Variants in RFC3 observed in about 807,000 individuals in gnomAD.
RFC3 encodes the protein replication factor C subunit 3.
In RFC3, 41 loss-of-function variants were observed where a neutral mutation model predicts 45.1. That is an observed-to-expected ratio of 0.91 (90% CI 0.71 to 1.18). The LOEUF is 1.18. RFC3 is among the 50% of genes most tolerant of loss of function. The probability of loss-of-function intolerance (pLI) is 0.00; values close to 1 mark genes in which losing one functional copy is unlikely to be tolerated. For missense variants in RFC3, 423 were observed against 428.1 expected (o/e 0.99, Z 0.10); for synonymous variants, 149 against 144.0 (o/e 1.03, Z -0.25).
chr13:33,897,828 T>C, intron 8 of RFC3, among the ~76,000 whole-genome samples: 1 of 152,036 alleles, frequency 6.6e-6, no homozygotes, highest in Admixed American at 6.6e-5. Context: ...AGGAGTTCAC[T>C]ATATAATGAT....
intron 8 of RFC3, among the ~76,000 whole-genome samples, chr13:33,919,117 G>A (rs756446188): frequency 3.4e-4 from 52 of 152,140 alleles, no homozygotes; most frequent in Admixed American, 2.4e-3. Context: ...TATCTGAGTC[G>A]TCCCAAACAA....
chr13:33,908,236 T>C (rs2082683199), intron 8 of RFC3, among the ~76,000 whole-genome samples: 2 of 151,918 alleles, frequency 1.3e-5, no homozygotes, highest in African/African-American at 4.8e-5. Flanking sequence ...TAATGTCTTC[T>C]GAACAACCTA....
intron 8 of RFC3, among the ~76,000 whole-genome samples, chr13:33,865,049 G>A (rs1346751737): frequency 6.6e-6 from 1 of 152,134 alleles, no homozygotes; most frequent in East Asian, 1.9e-4. Flanking sequence ...GGAATAGTGA[G>A]GAACAGTCAG....
intron 8 of RFC3, among the ~76,000 whole-genome samples, chr13:33,909,973 A>G: frequency 6.6e-6 from 1 of 152,152 alleles, no homozygotes; most frequent in Non-Finnish European, 1.5e-5. Context: ...AGCAAAGGAC[A>G]TAAAAATTGT....
intron 8 of RFC3, among the ~76,000 whole-genome samples, chr13:33,863,660 G>T (rs1189844868): frequency 6.6e-6 from 1 of 152,196 alleles, no homozygotes; most frequent in African/African-American, 2.4e-5. Flanking sequence ...CTGGTACAAT[G>T]ACATCATTCT....
chr13:33,888,995 C>T (rs1191353445), intron 8 of RFC3, among the ~76,000 whole-genome samples: 11 of 152,156 alleles, frequency 7.2e-5, no homozygotes, highest in South Asian at 2.1e-4. Context: ...CCAGCCACCT[C>T]GGCCTCCCAA....
intron 8 of RFC3, among the ~76,000 whole-genome samples, chr13:33,936,888 C>T (rs907852840): frequency 1.3e-5 from 2 of 152,038 alleles, no homozygotes; most frequent in African/African-American, 4.8e-5. Context: ...TAGAAGAAAC[C>T]CTAGAAATTG....
At chr13:33,851,100 T>G (rs1361330467) in intron 8 of RFC3, among the ~76,000 whole-genome samples, 1 of 152,202 alleles carries the variant, frequency 6.6e-6, no homozygotes, top group Non-Finnish European at 1.5e-5. Context: ...TCTTATGGCT[T>G]GAGAGCATAA....
chr13:33,825,714 T>C, intron 3 of RFC3, 75 bp from the exon 4 acceptor site: 2 of 768,526 alleles, frequency 2.6e-6, no homozygotes, highest in Non-Finnish European at 3.9e-6. Context: ...TTTTGACCAC[T>C]TAAGAACTTC....
chr13:33,837,572 A>G (rs971586514), downstream of RFC3: 6 of 152,114 alleles, frequency 3.9e-5, no homozygotes, highest in African/African-American at 1.2e-4. Flanking sequence ...GACTGGGCAT[A>G]CAATATTGTA....
chr13:33,927,489 G>A (rs1231251568), intron 8 of RFC3, among the ~76,000 whole-genome samples: 1 of 152,130 alleles, frequency 6.6e-6, no homozygotes, highest in African/African-American at 2.4e-5. Flanking sequence ...GAAGGGGCTT[G>A]CACAACAGTG....
chr13:33,825,486 A>G (rs1407590602), intron 3 of RFC3, among the ~76,000 whole-genome samples: 1 of 152,156 alleles, frequency 6.6e-6, no homozygotes, highest in African/African-American at 2.4e-5. Context: ...TTAATTTTCT[A>G]TAGTCGGTAC....
chr13:33,841,897 A>G (rs2082201590), downstream of RFC3, among the ~76,000 whole-genome samples: 1 of 152,166 alleles, frequency 6.6e-6, no homozygotes, highest in African/African-American at 2.4e-5. Context: ...GAACTCAAAT[A>G]TCTTCCAGCC....
chr13:33,818,194 G>A lies in RFC3; in HGVS notation c.16G>A (p.Asp6Asn), dbSNP rs376501033. The A allele has an allele frequency of 3.7e-6, 6 of 1,613,660 alleles. No individual in the cohort carries two copies. The South Asian group carries it at 6.6e-5, about 18-fold the overall frequency. The change falls in exon 1 of 9, where the codon GAC (aspartate) becomes AAC (asparagine). Residue 6 changes from aspartate to asparagine, a missense_variant. Asp to Asn is a conservative substitution (Grantham distance 23, BLOSUM62 1). Transcript: ENST00000380071. Reference protein sequence around the residue: MSLWVDKYRPCSLGRL... With the variant: MSLWVNKYRPCSLGRL... ...TCGAGCTGCCATGAGCCTCTGGGTG[G>A]ACAAGTATCGGCCCTGCTCCTTGGG...
chr13:33,958,135 T>C (rs1368067878), intron 8 of RFC3, among the ~76,000 whole-genome samples: 1 of 152,144 alleles, frequency 6.6e-6, no homozygotes, highest in East Asian at 1.9e-4. Flanking sequence ...GAGGGACTCT[T>C]TGAGGAGGTG....
At chr13:33,899,067 C>G (rs1197953449) in intron 8 of RFC3, among the ~76,000 whole-genome samples, 1 of 151,352 alleles carries the variant, frequency 6.6e-6, no homozygotes, top group East Asian at 1.9e-4. Context: ...CTGGATTCTA[C>G]CAAACATTTA....
chr13:33,818,189 G>A lies in RFC3; in HGVS notation c.11G>A (p.Trp4Ter). The part of the protein sequence containing the change: MSL[W>*]VDKYRPCSLG... ...GGAACTCGAGCTGCCATGAGCCTCT[G>A]GGTGGACAAGTATCGGCCCTGCTCC... Residue 4 changes from tryptophan (W) to a stop codon, truncating the protein, a stop_gained, in exon 1 of 9, where the codon TGG becomes TAG. Transcript: ENST00000380071. LOFTEE classifies it high-confidence loss of function. 1 of 1,613,626 alleles carries A rather than the reference G, an allele frequency of 6.2e-7. No homozygotes were observed. Among genetic ancestry groups the A allele is most frequent in the African/African-American group, 1.3e-5 (1 of 75,070 alleles).
intron 8 of RFC3, among the ~76,000 whole-genome samples, chr13:33,902,308 A>G (rs1183798355): frequency 2.0e-5 from 3 of 152,198 alleles, no homozygotes; most frequent in East Asian, 1.9e-4. Flanking sequence ...AGAATCAGCA[A>G]TTTGAAAAGG....
At chr13:33,969,949 CG>C (rs2083103401), downstream of RFC3, among the ~76,000 whole-genome samples, 3 of 148,234 alleles carry the variant, frequency 2.0e-5, no homozygotes, top group African/African-American at 7.6e-5. Context: ...TTTTATGTTC[CG>C]GGGTACATGT....
Sources: allele counts gnomAD v4.1 joint callset (sites outside exome capture counted in the v4.1 genomes callset), GRCh38; gene constraint gnomAD v4.1.1; transcripts MANE v1.5; gene names NCBI Gene and HGNC (gene_info 2026-07-23, HGNC 2026-07-21).